The following CCSER1 variants were observed in gnomAD, a reference collection of about 807,000 sequenced individuals.
CCSER1 encodes coiled-coil serine rich protein 1, also known as serine-rich coiled-coil domain-containing protein 1.
CCSER1 carries 41 observed loss-of-function variants against 82.0 expected under a neutral mutation model. That is an observed-to-expected ratio of 0.50 (90% confidence interval 0.39 to 0.65). CCSER1 has a LOEUF of 0.65. Ranked by LOEUF, CCSER1 falls within the 30% of genes least tolerant of loss-of-function variation. The pLI, the probability that CCSER1 is intolerant of heterozygous loss-of-function variation, is 0.00. For missense variants in CCSER1, 1,119 were observed against 1,064.2 expected (o/e 1.05, Z -0.72); for synonymous variants, 414 against 383.9 (o/e 1.08, Z -0.92).
At chr4:91,152,519 T>A (rs1730335528) in intron 10 of CCSER1, among the ~76,000 whole-genome samples, 1 of 152,252 alleles carries the variant, frequency 6.6e-6, no homozygotes, top group African/African-American at 2.4e-5. Flanking sequence ...CCCATTTACA[T>A]TTAAGGTTAA....
chr4:90,417,988 A>G (rs1756071066), intron 4 of CCSER1, among the ~76,000 whole-genome samples: 2 of 152,172 alleles, frequency 1.3e-5, no homozygotes, highest in South Asian at 4.1e-4. Flanking sequence ...TATAAAACTA[A>G]GAAACATACA....
chr4:90,368,957 A>T (rs752051178), intron 3 of CCSER1, among the ~76,000 whole-genome samples: 2 of 152,012 alleles, frequency 1.3e-5, no homozygotes, highest in Non-Finnish European at 2.9e-5. Context: ...CTAATCAATA[A>T]AATAAAAATT....
intron 6 of CCSER1, among the ~76,000 whole-genome samples, chr4:90,709,943 T>G (rs1406068679): frequency 9.2e-6 from 1 of 108,326 alleles, no homozygotes; most frequent in African/African-American, 3.7e-5. Flanking sequence ...CTTGCCAGCA[T>G]CTGTTTTTTT....
At chr4:90,196,141 T>C (rs1463026113) in intron 1 of CCSER1, among the ~76,000 whole-genome samples, 1 of 150,906 alleles carries the variant, frequency 6.6e-6, no homozygotes, top group African/African-American at 2.4e-5. Context: ...TGTGTTCCAG[T>C]TCTGGTCAAT....
intron 3 of CCSER1, among the ~76,000 whole-genome samples, chr4:90,320,175 G>A (rs987983969): frequency 6.6e-6 from 1 of 151,884 alleles, no homozygotes; most frequent in East Asian, 1.9e-4. Flanking sequence ...CATTTCTTGC[G>A]GTCATTAATA....
At chr4:91,057,251 A>C (rs1191908660) in intron 9 of CCSER1, among the ~76,000 whole-genome samples, 1 of 152,114 alleles carries the variant, frequency 6.6e-6, no homozygotes, top group Non-Finnish European at 1.5e-5. Flanking sequence ...TTAAGAGCTG[A>C]AATTGATGAA....
chr4:90,721,872 G>GT (rs1033169594), intron 6 of CCSER1, among the ~76,000 whole-genome samples: 17 of 150,908 alleles, frequency 1.1e-4, no homozygotes, highest in Non-Finnish European at 2.2e-4. Context: ...AGATTGATTT[G>GT]TTTTTTTAAA....
intron 10 of CCSER1, among the ~76,000 whole-genome samples, chr4:91,359,084 C>T (rs573994535): frequency 2.0e-5 from 3 of 152,094 alleles, no homozygotes; most frequent in Non-Finnish European, 4.4e-5. Flanking sequence ...AATTTCTGTC[C>T]CTTTTAAGGG....
intron 3 of CCSER1, among the ~76,000 whole-genome samples, chr4:90,335,235 A>G (rs1275476842): frequency 1.3e-5 from 2 of 152,234 alleles, no homozygotes; most frequent in African/African-American, 4.8e-5. Context: ...CATGGCAAAG[A>G]AAGAATAATT....
intron 9 of CCSER1, among the ~76,000 whole-genome samples, chr4:90,971,737 G>A (rs1185739573): frequency 5.9e-5 from 9 of 151,830 alleles, no homozygotes. Flanking sequence ...AAATATCCCT[G>A]ATGAACATAG....
At chr4:91,385,082 G>T (rs1003638046) in intron 10 of CCSER1, among the ~76,000 whole-genome samples, 7 of 152,042 alleles carry the variant, frequency 4.6e-5, no homozygotes, top group Middle Eastern at 3.4e-3. Context: ...GCACTTTCAG[G>T]AATTTATCCT....
intron 9 of CCSER1, among the ~76,000 whole-genome samples, chr4:91,070,210 T>C (rs116267562): frequency 0.011 from 1,663 of 152,156 alleles, 27 homozygotes; most frequent in African/African-American, 0.037. Context: ...TGTTTAGAAC[T>C]CTTAACCTTG....
chr4:90,703,278 A>G (rs1319353590), intron 6 of CCSER1, among the ~76,000 whole-genome samples: 3 of 152,044 alleles, frequency 2.0e-5, no homozygotes, highest in African/African-American at 7.2e-5. Context: ...TGTAGTTGAG[A>G]AGTTTTGAGT....
At chr4:90,918,557 C>T (rs1431880100) in intron 8 of CCSER1, among the ~76,000 whole-genome samples, 2 of 143,420 alleles carry the variant, frequency 1.4e-5, no homozygotes, top group Admixed American at 7.0e-5. Flanking sequence ...GCGGCGTGTA[C>T]TTGAGTATGC....
intron 4 of CCSER1, among the ~76,000 whole-genome samples, chr4:90,425,170 A>G (rs1261438519): frequency 6.6e-6 from 1 of 152,018 alleles, no homozygotes; most frequent in African/African-American, 2.4e-5. Context: ...CTCAGATTTT[A>G]TCTTTTAACC....
At chr4:90,773,286 C>T (rs1320294673) in intron 7 of CCSER1, among the ~76,000 whole-genome samples, 1 of 152,150 alleles carries the variant, frequency 6.6e-6, no homozygotes, top group Non-Finnish European at 1.5e-5. Flanking sequence ...CTACTGATTG[C>T]CCTTACCTTA....
chr4:91,148,933 C>G (rs147658939), intron 10 of CCSER1, among the ~76,000 whole-genome samples: 28,233 of 152,012 alleles, frequency 0.19, 2,957 homozygotes, highest in Non-Finnish European at 0.23. Context: ...TGAATAGTGC[C>G]ACAATAAACA....
At chr4:91,243,405 A>C (rs904925583) in intron 10 of CCSER1, among the ~76,000 whole-genome samples, 1 of 152,124 alleles carries the variant, frequency 6.6e-6, no homozygotes, top group Non-Finnish European at 1.5e-5. Context: ...CTGGGGTAGC[A>C]CTGACCTAGG....
intron 5 of CCSER1, among the ~76,000 whole-genome samples, chr4:90,542,963 A>G (rs1016065998): frequency 1.1e-4 from 17 of 152,180 alleles, no homozygotes; most frequent in African/African-American, 4.1e-4. Flanking sequence ...TGTATTATAC[A>G]TATTCACATT....
Sources: allele counts gnomAD v4.1 joint callset (sites outside exome capture counted in the v4.1 genomes callset), GRCh38; gene constraint gnomAD v4.1.1; transcripts MANE v1.5; gene names NCBI Gene and HGNC (gene_info 2026-07-23, HGNC 2026-07-21).